The following DRD1 variants were observed in gnomAD, a reference collection of about 807,000 sequenced individuals.
DRD1 encodes dopamine receptor D1, also known as D(1A) dopamine receptor.
Under a neutral mutation model 23.8 loss-of-function variants are expected in DRD1, and 2 were observed. The observed-to-expected ratio is 0.08, with a 90% CI of 0.03 to 0.26. DRD1 has a LOEUF of 0.26. Ranked by LOEUF, DRD1 falls within the 10% of genes least tolerant of loss-of-function variation. The pLI is 1.00. For missense variants in DRD1, 376 were observed against 559.0 expected (o/e 0.67, Z 3.30); for synonymous variants, 218 against 225.7 (o/e 0.97, Z 0.30).
chr5:175,441,795 G>T lies in DRD1; in HGVS notation c.1305C>A (p.Ile435=), dbSNP rs1459753304. The T allele has an allele frequency of 6.3e-7, 1 of 1,597,868 alleles. No homozygotes were observed. The highest frequency in any genetic ancestry group is 2.2e-5 in the East Asian group (1 of 44,552). ...GCTGACCGTTTTGTGTGATGGGTTG[G>T]ATCTTCTCCAGAGAGACGTCAGTGT... The part of the protein sequence containing the change: ...DYDTDVSLEK[I]QPITQNGQHP... Residue 435 remains isoleucine, a synonymous_variant, in exon 2 of 2, where the codon ATC becomes ATA. Transcript: ENST00000393752.
rs890223921 is a variant in DRD1 at position 175,440,895 on chromosome 5, T to C, written c.*864A>G. 2 of 152,540 alleles carry C rather than the reference T, an allele frequency of 1.3e-5. No individual in the cohort carries two copies. Among genetic ancestry groups the C allele is most frequent in the Admixed American group, 1.3e-4 (2 of 15,292 alleles). The allele number at this position is 152,540 out of a possible 1,614,324, so 9.4% of individuals were successfully genotyped here. A position where few individuals can be genotyped will look rare whatever the true frequency, so the allele number is the denominator to read the frequency against. On this transcript the variant is annotated 3_prime_UTR_variant, in exon 2 of 2. Coordinates refer to ENST00000393752, the MANE Select transcript of DRD1 (RefSeq NM_000794.5). ...TTTGAACACAGTAGTAGCTATACTT[T>C]TTTAAATTTTTCAAAATCTTTTCAG...
chr5:175,443,066 T>C lies in DRD1; in HGVS notation c.34A>G (p.Thr12Ala). Residue 12 changes from threonine (T) to alanine (A), a missense_variant, in exon 2 of 2, where the codon ACT becomes GCT. By Grantham distance (58) the Thr-to-Ala change is moderately conservative (BLOSUM62 0). Coordinates refer to ENST00000393752, the MANE Select transcript of DRD1 (RefSeq NM_000794.5). ...AAGTCCCTCTCCACCACCAGCCCAGTCCCGTCCATGGCAGAGGTGTTCAGA... is the reference window on the plus strand; with the variant it reads ...AAGTCCCTCTCCACCACCAGCCCAGCCCCGTCCATGGCAGAGGTGTTCAGA... ...RTLNTSAMDG[T>A]GLVVERDFSV... 2 of 1,614,088 alleles carry C rather than the reference T, an allele frequency of 1.2e-6. No homozygotes were observed. Among genetic ancestry groups the C allele is most frequent in the Non-Finnish European group, 1.7e-6 (2 of 1,180,014 alleles).
Position 175,441,872 on chromosome 5 carries a change from C to G in DRD1, c.1228G>C (p.Ala410Pro). 6.2e-7 allele frequency: 1 copy of G among 1,614,070 alleles called. No homozygotes were observed. The highest frequency in any genetic ancestry group is 2.2e-5 in the East Asian group (1 of 44,860). ...GGGGACAGCTTCTCCAAGGGTCTGG[C>G]GATGCCAGCTGCCTCCTCCTTTTTC... ...DLKKEEAAGI[A>P]RPLEKLSPAL... The change falls in exon 2 of 2, where the codon GCC becomes CCC. Residue 410 changes from alanine (A) to proline (P), a missense_variant. Transcript: ENST00000393752.
rs1304612659 is a variant in DRD1 at position 175,443,710 on chromosome 5, G to T, written c.-495C>A. 1 of 153,204 alleles carries T rather than the reference G, an allele frequency of 6.5e-6. No homozygotes were observed. Among genetic ancestry groups the T allele is most frequent in the Non-Finnish European group, 1.5e-5 (1 of 68,788 alleles). 9.5% of individuals were successfully genotyped at this position (153,204 alleles called of 1,614,324 possible). On this transcript the variant is annotated 5_prime_UTR_variant, in exon 1 of 2. Coordinates refer to ENST00000393752, the MANE Select transcript of DRD1 (RefSeq NM_000794.5). ...TCCGAGCCACCTACCTTGCCTTGGG[G>T]TCGTCTCTCTCAAAGCCCCTGGAGC...
At position 175,440,714 on chromosome 5, in the gene DRD1, G is replaced by T. The variant is rs1015190094; in HGVS notation, c.*1045C>A. On this transcript the variant is annotated 3_prime_UTR_variant, in exon 2 of 2. Transcript: ENST00000393752. ...CACATGAAATGAGAAAAGATGGAGA[G>T]GGCCAATTATTTTACATAAATACAA... 6.6e-6 allele frequency: 1 copy of T among 152,592 alleles called. No individual in the cohort carries two copies. The highest frequency in any genetic ancestry group is 2.1e-4 in the South Asian group (1 of 4,830). The allele number at this position is 152,592 out of a possible 1,614,324, so 9.5% of individuals were successfully genotyped here.
In DRD1 at chr5:175,443,279, A is replaced by G. The variant is rs527799137; in HGVS notation, c.-180T>C. The G allele has an allele frequency of 6.8e-5, 50 of 732,190 alleles. No individual in the cohort carries two copies. The African/African-American group carries it at 8.3e-4, about 12-fold the overall frequency. The allele number at this position is 732,190 out of a possible 1,614,324, so 45.4% of individuals were successfully genotyped here. On this transcript the variant is annotated 5_prime_UTR_variant, in exon 2 of 2. Coordinates refer to ENST00000393752, the MANE Select transcript of DRD1 (RefSeq NM_000794.5). ...AGAGGACCGCTTGAGTGGCAATCCAAGTCAATCCCGTGGATGGTCACTCTT... is the reference window on the plus strand; with the variant it reads ...AGAGGACCGCTTGAGTGGCAATCCAGGTCAATCCCGTGGATGGTCACTCTT...
chr5:175,443,197 C>G lies in DRD1; in HGVS notation c.-98G>C. The G allele has an allele frequency of 6.7e-7, 1 of 1,493,886 alleles. No individual in the cohort carries two copies. Among genetic ancestry groups the G allele is most frequent in the East Asian group, 2.3e-5 (1 of 43,848 alleles). 92.5% of individuals were successfully genotyped at this position (1,493,886 alleles called of 1,614,324 possible). ...ATTTCCAGGAGTCCTCCCCACCAGG[C>G]AGCACTTTGCACAGCCAGATTGCTT... On this transcript the variant is annotated 5_prime_UTR_variant, in exon 2 of 2. Transcript: ENST00000393752.
rs944182478 is a variant in DRD1 at position 175,442,581 on chromosome 5, A to T, written c.519T>A (p.Asp173Glu). The T allele has an allele frequency of 6.2e-7, 1 of 1,614,230 alleles. No individual in the cohort carries two copies. Among genetic ancestry groups the T allele is most frequent in the Admixed American group, 1.7e-5 (1 of 60,034 alleles). Reference sequence around the variant, plus strand: ...TCTCAGCCAGGGAAGTGGCATTTCCATCAGAGGGGCTTGTGGGTTTTGCCT... The same window carrying T: ...TCTCAGCCAGGGAAGTGGCATTTCCTTCAGAGGGGCTTGTGGGTTTTGCCT... ...WHKAKPTSPS[D>E]GNATSLAETI... is the part of the protein sequence containing the mutation. The change falls in exon 2 of 2, where the codon GAT becomes GAA. Residue 173 changes from aspartate (D) to glutamate (E), a missense_variant. By Grantham distance (45) the Asp-to-Glu change is conservative (BLOSUM62 2). Coordinates refer to ENST00000393752, the MANE Select transcript of DRD1 (RefSeq NM_000794.5). The surrounding 1 kb of genome is among the most constrained non-coding windows in gnomAD (Gnocchi z 7.3).
In DRD1 at chr5:175,442,302, T is replaced by C. The variant is rs998801247; in HGVS notation, c.798A>G (p.Arg266=). ...PESSFKMSFK[R]ETKVLKTLSV... Reference sequence around the variant, plus strand: ...ACAGAGTCTTCAGGACTTTAGTTTCTCTTTTGAAGGACATCTTAAAAGAAC... The same window carrying C: ...ACAGAGTCTTCAGGACTTTAGTTTCCCTTTTGAAGGACATCTTAAAAGAAC... Residue 266 remains arginine (R), a synonymous_variant, in exon 2 of 2, where the codon AGA becomes AGG. Transcript: ENST00000393752. This position sits in a 1 kb window ranked among gnomAD's most constrained non-coding sequence, Gnocchi z 7.3. The C allele has an allele frequency of 1.2e-6, 2 of 1,614,152 alleles. No homozygotes were observed. The highest frequency in any genetic ancestry group is 1.7e-6 in the Non-Finnish European group (2 of 1,180,038).
In DRD1 at chr5:175,442,134, A is replaced by C; in HGVS notation, c.966T>G (p.Ala322=). 1 of 1,614,204 alleles carries C rather than the reference A, an allele frequency of 6.2e-7. No individual in the cohort carries two copies. Among genetic ancestry groups the C allele is most frequent in the African/African-American group, 1.3e-5 (1 of 75,066 alleles). ...AAATGATGGGGTTCAAGGATGAATT[A>C]GCCCACCCAAACCACACAAACACGT... The part of the protein sequence containing the change: ...TFDVFVWFGW[A]NSSLNPIIYA... The change falls in exon 2 of 2, where the codon GCT becomes GCG. Residue 322 remains alanine, a synonymous_variant. Transcript: ENST00000393752. The surrounding 1 kb of genome is among the most constrained non-coding windows in gnomAD (Gnocchi z 7.3).
chr5:175,440,792 C>G lies in DRD1; in HGVS notation c.*967G>C, dbSNP rs1041864134. 2 of 152,622 alleles carry G rather than the reference C, an allele frequency of 1.3e-5. No homozygotes were observed. Among genetic ancestry groups the G allele is most frequent in the South Asian group, 4.1e-4 (2 of 4,834 alleles). 9.5% of individuals were successfully genotyped at this position (152,622 alleles called of 1,614,324 possible). On this transcript the variant is annotated 3_prime_UTR_variant, in exon 2 of 2. Coordinates refer to ENST00000393752, the MANE Select transcript of DRD1 (RefSeq NM_000794.5). ...AAGATCGTAAATTTAATGCTGGGCT[C>G]TTCTTAAGTTGGCTTTTATTTAAGA...
In DRD1 at chr5:175,443,121, A is replaced by T. The variant is rs187630543; in HGVS notation, c.-22T>A. Reference sequence around the variant, plus strand: ...TCATCTTCCTAAGAGAAAGCACATCAGGGGCTCTGACACCCCTCAAGTTCC... The same window carrying T: ...TCATCTTCCTAAGAGAAAGCACATCTGGGGCTCTGACACCCCTCAAGTTCC... On this transcript the variant is annotated 5_prime_UTR_variant, in exon 2 of 2. Coordinates refer to ENST00000393752, the MANE Select transcript of DRD1 (RefSeq NM_000794.5). 145 of 1,602,370 alleles carry T rather than the reference A, an allele frequency of 9.0e-5. No homozygotes were observed. Among genetic ancestry groups the T allele is most frequent in the Admixed American group, 5.4e-4 (32 of 59,014 alleles).
Position 175,442,683 on chromosome 5 carries a change from T to G in DRD1, c.417A>C (p.Ala139=), listed in dbSNP as rs374437918. 7 of 1,613,952 alleles carry G rather than the reference T, an allele frequency of 4.3e-6. No homozygotes were observed. In the African/African-American group the frequency reaches 9.3e-5, roughly 22 times the overall value. ...ATGCCACACTGATCAGGATGAAGGCTGCCTTGGGGGTCATCTTTCTCTCAT... is the reference window on the plus strand; with the variant it reads ...ATGCCACACTGATCAGGATGAAGGCGGCCTTGGGGGTCATCTTTCTCTCAT... ...FRYERKMTPK[A]AFILISVAWT... The change falls in exon 2 of 2, where the codon GCA becomes GCC. Residue 139 remains alanine, a synonymous_variant. Coordinates refer to ENST00000393752, the MANE Select transcript of DRD1 (RefSeq NM_000794.5). This position sits in a 1 kb window ranked among gnomAD's most constrained non-coding sequence, Gnocchi z 7.3.
In DRD1 at chr5:175,441,633, G is replaced by T; in HGVS notation, c.*126C>A. 1 of 1,218,902 alleles carries T rather than the reference G, an allele frequency of 8.2e-7. No individual in the cohort carries two copies. The highest frequency in any genetic ancestry group is 1.1e-6 in the Non-Finnish European group (1 of 886,168). 75.5% of individuals were successfully genotyped at this position (1,218,902 alleles called of 1,614,324 possible). On this transcript the variant is annotated 3_prime_UTR_variant, in exon 2 of 2. Transcript: ENST00000393752. ...TGGAAACGGAGTTAATTGTGTGTTG[G>T]AAAGCAGCAGAGGGCTCTCCTGACA... is the stretch of plus-strand genomic sequence containing the variant.
Position 175,441,135 on chromosome 5 carries a change from G to C in DRD1, c.*624C>G, listed in dbSNP as rs1487600187. The C allele has an allele frequency of 6.6e-6, 1 of 152,108 alleles. No individual in the cohort carries two copies. Among genetic ancestry groups the C allele is most frequent in the East Asian group, 1.9e-4 (1 of 5,196 alleles). The allele number at this position is 152,108 out of a possible 1,614,324, so 9.4% of individuals were successfully genotyped here. ...AAATGGCCAGAAATGTGGTTGTAAG[G>C]TCTTGGATAAAACTCATTAATTTAT... On this transcript the variant is annotated 3_prime_UTR_variant, in exon 2 of 2. Coordinates refer to ENST00000393752, the MANE Select transcript of DRD1 (RefSeq NM_000794.5).
chr5:175,441,757 G>T lies in DRD1; in HGVS notation c.*2C>A. On this transcript the variant is annotated 3_prime_UTR_variant, in exon 2 of 2. Coordinates refer to ENST00000393752, the MANE Select transcript of DRD1 (RefSeq NM_000794.5). ...CATGTGTGGCAGGATTCATCTGCGA[G>T]TTCAGGTTGGGTGCTGACCGTTTTG... 1.3e-6 allele frequency: 2 copies of T among 1,560,906 alleles called. No homozygotes were observed. The highest frequency in any genetic ancestry group is 1.7e-6 in the Non-Finnish European group (2 of 1,153,390).
rs367761486 is a variant in DRD1 at position 175,442,877 on chromosome 5, C to T, written c.223G>A (p.Val75Ile). Residue 75 changes from valine (V) to isoleucine (I), a missense_variant, in exon 2 of 2, where the codon GTC (valine) becomes ATC (isoleucine). Physicochemically the swap from Val to Ile is conservative, Grantham distance 29 (BLOSUM62 3). This residue lies in a region of DRD1 where 121 missense variants were observed against 239.4 expected (regional missense o/e 0.51). Transcript: ENST00000393752. This position sits in a 1 kb window ranked among gnomAD's most constrained non-coding sequence, Gnocchi z 7.3. ...SLAVSDLLVA[V>I]LVMPWKAVAE... ...ACTGCCTTCCAGGGCATGACCAGGACGGCCACCAAGAGATCTGACACAGCC... is the reference window on the plus strand; with the variant it reads ...ACTGCCTTCCAGGGCATGACCAGGATGGCCACCAAGAGATCTGACACAGCC... The T allele has an allele frequency of 4.9e-5, 79 of 1,613,956 alleles. No homozygotes were observed. The Middle Eastern group carries it at 4.9e-4, about 10-fold the overall frequency.
Position 175,443,362 on chromosome 5 carries a change from A to G in DRD1, c.-263T>C, listed in dbSNP as rs906911152. On this transcript the variant is annotated 5_prime_UTR_variant, in exon 2 of 2. Transcript: ENST00000393752. ...GCAGGTCACTGTCTTGGGCACCAGA[A>G]AGCCCCTGAATTCCCCAAATAAAGC... 1 of 521,798 alleles carries G rather than the reference A, an allele frequency of 1.9e-6. No homozygotes were observed. Among genetic ancestry groups the G allele is most frequent in the Non-Finnish European group, 3.5e-6 (1 of 286,240 alleles). The allele number at this position is 521,798 out of a possible 1,614,324, so 32.3% of individuals were successfully genotyped here.
chr5:175,441,628 T>G lies in DRD1; in HGVS notation c.*131A>C. On this transcript the variant is annotated 3_prime_UTR_variant, in exon 2 of 2. Transcript: ENST00000393752. ...GTATTTGGAAACGGAGTTAATTGTG[T>G]GTTGGAAAGCAGCAGAGGGCTCTCC... The G allele has an allele frequency of 8.8e-7, 1 of 1,139,442 alleles. No homozygotes were observed. The highest frequency in any genetic ancestry group is 1.2e-6 in the Non-Finnish European group (1 of 815,414). 70.6% of individuals were successfully genotyped at this position (1,139,442 alleles called of 1,614,324 possible).
Sources: allele counts gnomAD v4.1 joint callset, GRCh38; gene constraint gnomAD v4.1.1; regional missense constraint gnomAD v4.1.1; non-coding constraint Gnocchi (gnomAD v3.1); transcripts MANE v1.5; gene names NCBI Gene and HGNC (gene_info 2026-07-23, HGNC 2026-07-21).